Variants in ACTR3C observed in about 807,000 individuals in gnomAD.
ACTR3C encodes actin related protein 3C.
Under a neutral mutation model 26.3 loss-of-function variants are expected in ACTR3C, and 18 were observed. That is an observed-to-expected ratio of 0.68 (90% CI 0.47 to 1.01). ACTR3C has a LOEUF of 1.01. Ranked by LOEUF, ACTR3C falls within the 50% of genes least tolerant of loss-of-function variation. The pLI, the probability that ACTR3C is intolerant of heterozygous loss-of-function variation, is 0.00. For synonymous variants in ACTR3C, 55 were observed against 94.5 expected, an observed-to-expected ratio of 0.58 and a Z score of 2.42; for missense variants, 184 against 250.7, an observed-to-expected ratio of 0.73 and a Z score of 1.80.
chr7:149,982,759 T>C, the ACTR3C span, among the ~76,000 whole-genome samples: 1 of 152,172 alleles, frequency 6.6e-6, no homozygotes, highest in African/African-American at 2.4e-5. Context: ...TTCTAGGAGC[T>C]CAACTCTTGC....
the ACTR3C span, among the ~76,000 whole-genome samples, chr7:150,179,773 G>C: frequency 2.0e-5 from 3 of 151,756 alleles, no homozygotes; most frequent in Non-Finnish European, 4.4e-5. Context: ...TTACAGCTAG[G>C]CATAAGCCAC....
chr7:150,023,791 A>G, the ACTR3C span, among the ~76,000 whole-genome samples: 1 of 146,574 alleles, frequency 6.8e-6, no homozygotes, highest in Non-Finnish European at 1.5e-5. Flanking sequence ...AGTATGGAAA[A>G]GTACTCATCC....
chr7:149,951,362 C>G, the ACTR3C span, among the ~76,000 whole-genome samples: 1 of 146,642 alleles, frequency 6.8e-6, no homozygotes, highest in African/African-American at 2.8e-5. Context: ...GCATTATCTT[C>G]CAGTTCCAGT....
At chr7:149,978,103 G>T in the ACTR3C span, among the ~76,000 whole-genome samples, 2 of 151,774 alleles carry the variant, frequency 1.3e-5, no homozygotes, top group Admixed American at 6.6e-5. Context: ...GAAGAGTTTT[G>T]CCTTCTTTCC....
At chr7:150,085,662 C>A in the ACTR3C span, among the ~76,000 whole-genome samples, 1 of 152,072 alleles carries the variant, frequency 6.6e-6, no homozygotes, top group African/African-American at 2.4e-5. Flanking sequence ...ACTTCAAGTG[C>A]CTGGATGAAA....
chr7:150,124,713 T>C, the ACTR3C span, among the ~76,000 whole-genome samples: 1 of 152,122 alleles, frequency 6.6e-6, no homozygotes, highest in Admixed American at 6.6e-5. Context: ...CCTTCACCCT[T>C]CCCAGTCCAT....
At chr7:150,034,573 G>C in the ACTR3C span, among the ~76,000 whole-genome samples, 1 of 151,634 alleles carries the variant, frequency 6.6e-6, no homozygotes, top group Non-Finnish European at 1.5e-5. Flanking sequence ...TCTCTCACCT[G>C]CCTTCTGCCC....
At chr7:150,242,158 G>A (rs1398716434), downstream of ACTR3C, among the ~76,000 whole-genome samples, 1 of 151,700 alleles carries the variant, frequency 6.6e-6, no homozygotes, top group African/African-American at 2.4e-5. Context: ...GGAGGCTGCA[G>A]TGAGACGAGA....
intron 1 of ACTR3C, among the ~76,000 whole-genome samples, chr7:150,303,522 A>G (rs1795594294): frequency 6.6e-6 from 1 of 152,216 alleles, no homozygotes; most frequent in African/African-American, 2.4e-5. Context: ...ATTAAAATCT[A>G]TGTATTTCCA....
At chr7:150,215,396 T>C in the ACTR3C span, among the ~76,000 whole-genome samples, 2 of 152,128 alleles carry the variant, frequency 1.3e-5, no homozygotes, top group African/African-American at 4.8e-5. Context: ...AGGATTGACT[T>C]CTTGCCACAT....
chr7:150,132,911 C>T, the ACTR3C span, among the ~76,000 whole-genome samples: 3 of 152,172 alleles, frequency 2.0e-5, no homozygotes, highest in African/African-American at 7.2e-5. Flanking sequence ...TGGAATACTA[C>T]ACAGCCATAA....
the ACTR3C span, among the ~76,000 whole-genome samples, chr7:150,131,609 A>T: frequency 6.6e-6 from 1 of 152,200 alleles, no homozygotes; most frequent in Non-Finnish European, 1.5e-5. Flanking sequence ...TACCTGGGAG[A>T]GATTTGTGTC....
chr7:150,020,897 T>C, the ACTR3C span, among the ~76,000 whole-genome samples: 1 of 152,072 alleles, frequency 6.6e-6, no homozygotes, highest in Non-Finnish European at 1.5e-5. Context: ...CTCGGCTCAC[T>C]GCAACCTCCG....
At chr7:150,218,409 T>C in the ACTR3C span, among the ~76,000 whole-genome samples, 1 of 152,246 alleles carries the variant, frequency 6.6e-6, no homozygotes, top group African/African-American at 2.4e-5. Context: ...GATTTCACCA[T>C]CATCTCACTT....
At chr7:150,253,462 T>G (rs920646892) in intron 6 of ACTR3C, among the ~76,000 whole-genome samples, 4 of 152,216 alleles carry the variant, frequency 2.6e-5, no homozygotes, top group African/African-American at 9.6e-5. Context: ...CTTCTTTAAC[T>G]AAATTAATAC....
At chr7:150,152,622 C>T in the ACTR3C span, among the ~76,000 whole-genome samples, 6 of 152,080 alleles carry the variant, frequency 3.9e-5, no homozygotes, top group Non-Finnish European at 5.9e-5. Context: ...TGTCTCTGCC[C>T]GGCTTTGGTA....
At chr7:150,185,785 CAG>C in the ACTR3C span, among the ~76,000 whole-genome samples, 6 of 152,034 alleles carry the variant, frequency 3.9e-5, no homozygotes, top group Non-Finnish European at 8.8e-5. Flanking sequence ...AAGAAGAGAA[CAG>C]AGTGTAAGTA....
intron 6 of ACTR3C, among the ~76,000 whole-genome samples, chr7:150,284,330 C>G (rs965243826): frequency 3.3e-5 from 5 of 152,154 alleles, no homozygotes; most frequent in African/African-American, 4.8e-5. Context: ...TGCCTGAGCT[C>G]AGGAGTTCGA....
At chr7:150,118,014 T>C in the ACTR3C span, among the ~76,000 whole-genome samples, 1 of 151,876 alleles carries the variant, frequency 6.6e-6, no homozygotes, top group Non-Finnish European at 1.5e-5. Context: ...GAAGAAAAAC[T>C]AACAAACAGA....
Sources: allele counts gnomAD v4.1 joint callset (sites outside exome capture counted in the v4.1 genomes callset), GRCh38; gene constraint gnomAD v4.1.1; transcripts MANE v1.5; gene names NCBI Gene and HGNC (gene_info 2026-07-23, HGNC 2026-07-21).